PRH1: variants seen among roughly 807,000 people sequenced by gnomAD.
PRH1 encodes salivary acidic proline-rich phosphoprotein 1/2.
In PRH1, 7 loss-of-function variants were observed where a neutral mutation model predicts 7.9. The ratio of observed to expected loss-of-function variants is 0.89; its 90% CI spans 0.50 to 1.67. PRH1 has a LOEUF of 1.67. Among genes scored for constraint, PRH1 ranks in the 40% most tolerant of loss-of-function variants. The pLI, the probability that PRH1 is intolerant of heterozygous loss-of-function variation, is 0.00. For missense variants in PRH1, 109 were observed against 223.6 expected (o/e 0.49, Z 3.27); for synonymous variants, 45 against 80.8 (o/e 0.56, Z 2.38).
intron 2 of PRH1, among the ~76,000 whole-genome samples, chr12:10,964,097 C>G (rs373084326): frequency 2.0e-5 from 3 of 152,064 alleles, no homozygotes; most frequent in African/African-American, 7.2e-5. Context: ...ATAAATTTTT[C>G]AAATGAAACA....
chr12:10,930,398 A>G (rs1950187772), intron 2 of PRH1: 11 of 1,527,354 alleles, frequency 7.2e-6, no homozygotes, highest in Middle Eastern at 1.7e-4. Context: ...CTTGTCAGGA[A>G]TTGGCTAATA....
At chr12:11,129,957 C>G (rs117212341) in intron 1 of PRH1, among the ~76,000 whole-genome samples, 18,176 of 152,196 alleles carry the variant, frequency 0.12, 1,204 homozygotes, top group Non-Finnish European at 0.14. Flanking sequence ...TTGAGACCAG[C>G]CTGGGTAACA....
At chr12:11,159,546 C>G (rs1947353458) in intron 1 of PRH1, 1 of 152,438 alleles carries the variant, frequency 6.6e-6, no homozygotes, top group South Asian at 2.1e-4. Flanking sequence ...TATAGCCAAG[C>G]TGGTGAGGAT....
chr12:11,069,803 A>G (rs1258101692), intron 1 of PRH1, among the ~76,000 whole-genome samples: 2 of 152,344 alleles, frequency 1.3e-5, no homozygotes. Context: ...AACCTCAACC[A>G]GTTGTCAGGA....
chr12:10,975,325 A>C (rs1455027957), intron 1 of PRH1, among the ~76,000 whole-genome samples: 1 of 152,228 alleles, frequency 6.6e-6, no homozygotes, highest in African/African-American at 2.4e-5. Context: ...CACCCAAACT[A>C]AGCTTCATAA....
chr12:10,962,649 A>C (rs117772051), intron 2 of PRH1, among the ~76,000 whole-genome samples: 1,989 of 152,284 alleles, frequency 0.013, 21 homozygotes, highest in Non-Finnish European at 0.022. Flanking sequence ...CAAGACATGT[A>C]ATTTATTACT....
intron 2 of PRH1, among the ~76,000 whole-genome samples, chr12:10,939,551 G>GTTTTTT (rs60186756): frequency 6.5e-5 from 8 of 123,310 alleles, no homozygotes; most frequent in South Asian, 2.6e-4. Context: ...TGGTTTGTGT[G>GTTTTTT]TTTTTTTTTT....
intron 2 of PRH1, among the ~76,000 whole-genome samples, chr12:10,921,080 T>C (rs902783416): frequency 2.6e-5 from 4 of 152,062 alleles, no homozygotes; most frequent in Non-Finnish European, 5.9e-5. Flanking sequence ...ATGAGACTAA[T>C]TTACTTTTAC....
At chr12:11,082,187 G>GATA (rs201105330) in intron 1 of PRH1, among the ~76,000 whole-genome samples, 2,910 of 116,458 alleles carry the variant, frequency 0.025, 844 homozygotes, top group South Asian at 0.04. Flanking sequence ...TGTAGATGAT[G>GATA]ATAATGATGA....
At chr12:10,986,043 G>A in intron 1 of PRH1, 1 of 1,614,040 alleles carries the variant, frequency 6.2e-7, no homozygotes, top group Non-Finnish European at 8.5e-7. Flanking sequence ...TGAGTCGAAT[G>A]CAAGATATAT....
chr12:10,947,405 A>G (rs938825995), intron 2 of PRH1, among the ~76,000 whole-genome samples: 7 of 151,736 alleles, frequency 4.6e-5, no homozygotes, highest in African/African-American at 7.2e-5. Context: ...TTTTTTAAAA[A>G]ACTTTCATTT....
intron 2 of PRH1, chr12:10,939,194 A>G: frequency 1.3e-6 from 2 of 1,572,036 alleles, no homozygotes. Context: ...TATGCTCTTT[A>G]TGACACCACC....
chr12:11,051,277 T>C (rs1280140179), upstream of PRH1, among the ~76,000 whole-genome samples: 1 of 152,182 alleles, frequency 6.6e-6, no homozygotes. Context: ...GCAGGAAACA[T>C]CTTGTCAAAT....
chr12:10,903,674 C>A (rs1177236423), intron 2 of PRH1, among the ~76,000 whole-genome samples: 1 of 151,454 alleles, frequency 6.6e-6, no homozygotes, highest in Non-Finnish European at 1.5e-5. Flanking sequence ...AAAGTCCTAG[C>A]CAGGACAATC....
At chr12:11,001,845 G>A (rs1239490055) in intron 1 of PRH1, among the ~76,000 whole-genome samples, 2 of 151,982 alleles carry the variant, frequency 1.3e-5, no homozygotes, top group Non-Finnish European at 2.9e-5. Context: ...CAATATAAAC[G>A]TAATTTATAC....
intron 1 of PRH1, among the ~76,000 whole-genome samples, chr12:11,099,019 C>G (rs1945148540): frequency 6.6e-6 from 1 of 152,032 alleles, no homozygotes; most frequent in South Asian, 2.1e-4. Context: ...TAAAGTTTCT[C>G]TCAAGTCTAA....
intron 2 of PRH1, among the ~76,000 whole-genome samples, chr12:10,911,774 C>A (rs1004657836): frequency 6.6e-6 from 1 of 152,064 alleles, no homozygotes; most frequent in Non-Finnish European, 1.5e-5. Context: ...AAATATAGAA[C>A]ATTTAATGAA....
At chr12:11,167,920 T>C (rs191282164) in intron 1 of PRH1, among the ~76,000 whole-genome samples, 54 of 117,360 alleles carry the variant, frequency 4.6e-4, no homozygotes, top group African/African-American at 1.4e-3. Context: ...TTCTTCCACA[T>C]GCATGGTTTA....
chr12:11,126,293 C>G (rs1224698733), intron 1 of PRH1, among the ~76,000 whole-genome samples: 1 of 152,140 alleles, frequency 6.6e-6, no homozygotes, highest in Non-Finnish European at 1.5e-5. Context: ...ATTTCGACAA[C>G]AATGTAATAA....
Sources: allele counts gnomAD v4.1 joint callset (sites outside exome capture counted in the v4.1 genomes callset), GRCh38; gene constraint gnomAD v4.1.1; transcripts MANE v1.5; gene names NCBI Gene and HGNC (gene_info 2026-07-23, HGNC 2026-07-21).